The following ADAM19 variants were observed in gnomAD, a reference collection of about 807,000 sequenced individuals.
ADAM19 encodes ADAM metallopeptidase domain 19, also known as disintegrin and metalloproteinase domain-containing protein 19.
ADAM19 carries 65 observed loss-of-function variants against 114.7 expected under a neutral mutation model. That is an observed-to-expected ratio of 0.57 (90% CI 0.46 to 0.70). The LOEUF is 0.70. ADAM19 is among the 30% of genes least tolerant of loss of function. The probability of loss-of-function intolerance (pLI) is 0.00; values close to 1 mark genes in which losing one functional copy is unlikely to be tolerated. For missense variants in ADAM19, 1,063 were observed against 1,204.7 expected (o/e 0.88, Z 1.74); for synonymous variants, 466 against 460.5 (o/e 1.01, Z -0.15).
At chr5:157,528,985 A>G (rs976530617) in intron 5 of ADAM19, among the ~76,000 whole-genome samples, 1 of 152,208 alleles carries the variant, frequency 6.6e-6, no homozygotes, top group East Asian at 1.9e-4. Flanking sequence ...GGAAGAACAC[A>G]CAATGGAGCC....
intron 8 of ADAM19, among the ~76,000 whole-genome samples, chr5:157,511,331 G>A (rs1010148456): frequency 6.6e-6 from 1 of 152,176 alleles, no homozygotes; most frequent in Non-Finnish European, 1.5e-5. Flanking sequence ...ACTAGGCACT[G>A]AGGCTTAGAG....
intron 1 of ADAM19, among the ~76,000 whole-genome samples, 200 bp from the exon 2 acceptor site, chr5:157,571,180 T>C (rs1663542369): frequency 1.3e-5 from 2 of 152,216 alleles, no homozygotes. Context: ...GTCTCTGTAC[T>C]TGTAAAGGTG....
chr5:157,555,051 A>T (rs11744800), intron 3 of ADAM19, among the ~76,000 whole-genome samples: 2 of 152,070 alleles, frequency 1.3e-5, no homozygotes, highest in African/African-American at 4.8e-5. Flanking sequence ...CCAAAGCATA[A>T]TGAGCCAGGA....
In ADAM19 at chr5:157,519,975, C is replaced by T; in HGVS notation, c.464G>A (p.Ser155Asn). Residue 155 changes from serine (S) to asparagine (N), a missense_variant, in exon 6 of 23, where the codon AGC (serine) becomes AAC (asparagine). Ser to Asn is a conservative substitution (Grantham distance 46, BLOSUM62 1). Transcript: ENST00000257527. ...TCTGTAAATAAGGTGTTGGCCCTTG[C>T]TGTCAGGGAGGGGCTCGATGACGTA... ...LSYVIEPLPD[S>N]KGQHLIYRSE... is the part of the protein sequence containing the mutation. 1.2e-6 allele frequency: 2 copies of T among 1,614,172 alleles called. No individual in the cohort carries two copies. The highest frequency in any genetic ancestry group is 2.2e-5 in the South Asian group (2 of 91,082).
intron 5 of ADAM19, among the ~76,000 whole-genome samples, chr5:157,529,182 A>T (rs6884227): frequency 0.58 from 87,826 of 151,976 alleles, 26,795 homozygotes; most frequent in African/African-American, 0.77. Context: ...GAAGTGTCTC[A>T]CACTGAGCCT....
At chr5:157,535,648 C>T (rs1184887271) in intron 4 of ADAM19, among the ~76,000 whole-genome samples, 1 of 152,216 alleles carries the variant, frequency 6.6e-6, no homozygotes, top group Non-Finnish European at 1.5e-5. Context: ...TTCCAATCCT[C>T]TCTTTCTGAA....
chr5:157,477,654 A>G lies in ADAM19; in HGVS notation c.*3295T>C. 2 of 1,289,364 alleles carry G rather than the reference A, an allele frequency of 1.6e-6. No homozygotes were observed. Among genetic ancestry groups the G allele is most frequent in the Non-Finnish European group, 2.0e-6 (2 of 988,590 alleles). 79.9% of individuals were successfully genotyped at this position (1,289,364 alleles called of 1,614,324 possible). On this transcript the variant is annotated 3_prime_UTR_variant, in exon 23 of 23. Transcript: ENST00000257527. ...CCCATGGCTTTCTTGGGTGTCCAGC[A>G]GAGCTGTTATACACGTGGTTAACAC...
intron 3 of ADAM19, among the ~76,000 whole-genome samples, chr5:157,540,080 G>T (rs1756876278): frequency 6.6e-6 from 1 of 152,178 alleles, no homozygotes; most frequent in African/African-American, 2.4e-5. Context: ...CATTTGATAG[G>T]GCTGTGATGA....
At chr5:157,498,401 C>T (rs776394891) in intron 13 of ADAM19, among the ~76,000 whole-genome samples, 3 of 152,202 alleles carry the variant, frequency 2.0e-5, no homozygotes, top group Non-Finnish European at 2.9e-5. Context: ...TAACCGGCAG[C>T]GGGGCCTTGG....
chr5:157,511,952 A>G (rs1314464832), intron 8 of ADAM19, among the ~76,000 whole-genome samples: 1 of 152,158 alleles, frequency 6.6e-6, no homozygotes, highest in African/African-American at 2.4e-5. Context: ...GTTCCATCAC[A>G]TACCCCACAG....
At chr5:157,501,687 C>A (rs190205769) in intron 12 of ADAM19, among the ~76,000 whole-genome samples, 1 of 152,200 alleles carries the variant, frequency 6.6e-6, no homozygotes, top group Non-Finnish European at 1.5e-5. Flanking sequence ...GTGGGGGTGG[C>A]ATCCTTGACT....
chr5:157,506,902 A>G (rs572178194), intron 10 of ADAM19, among the ~76,000 whole-genome samples, 154 bp downstream of exon 10: 2 of 152,336 alleles, frequency 1.3e-5, no homozygotes, highest in Admixed American at 1.3e-4. Flanking sequence ...ATCTCTTAGA[A>G]CTTAATGACT....
At chr5:157,573,990 T>C (rs1428286271) in intron 1 of ADAM19, among the ~76,000 whole-genome samples, 1 of 152,224 alleles carries the variant, frequency 6.6e-6, no homozygotes, top group African/African-American at 2.4e-5. Flanking sequence ...TGAGTCGTGT[T>C]TTTAACTTTT....
intron 2 of ADAM19, chr5:157,568,455 C>A (rs1757730691): frequency 6.6e-6 from 1 of 152,176 alleles, no homozygotes; most frequent in South Asian, 2.1e-4. Context: ...TACTGATGAG[C>A]TTTTCTGATG....
At chr5:157,542,990 T>C (rs1756958192) in intron 3 of ADAM19, among the ~76,000 whole-genome samples, 1 of 152,148 alleles carries the variant, frequency 6.6e-6, no homozygotes, top group African/African-American at 2.4e-5. Context: ...CTTAATAAGA[T>C]ACAACAGAAA....
chr5:157,518,181 G>T (rs932253475), intron 7 of ADAM19, among the ~76,000 whole-genome samples: 3 of 152,102 alleles, frequency 2.0e-5, no homozygotes, highest in Non-Finnish European at 4.4e-5. Flanking sequence ...GACAATTCCG[G>T]GTTCCTCAGA....
intron 13 of ADAM19, among the ~76,000 whole-genome samples, chr5:157,499,044 A>C (rs747901216): frequency 6.6e-6 from 1 of 152,182 alleles, no homozygotes; most frequent in Non-Finnish European, 1.5e-5. Flanking sequence ...GAATGTGGGC[A>C]CCAGAGTCAG....
intron 3 of ADAM19, among the ~76,000 whole-genome samples, chr5:157,554,817 C>T (rs146136898): frequency 6.6e-6 from 1 of 152,310 alleles, no homozygotes; most frequent in East Asian, 1.9e-4. Context: ...TTATCCCCAT[C>T]ACGTAGATGA....
chr5:157,490,178 G>A, intron 19 of ADAM19, 132 bp downstream of exon 19: 1 of 949,818 alleles, frequency 1.1e-6, no homozygotes, highest in Non-Finnish European at 1.6e-6. Context: ...GCAGGGGAGA[G>A]GGCAGCATGT....
Sources: gnomAD v4.1 joint callset for allele counts (sites outside exome capture counted in the v4.1 genomes callset) on GRCh38, gnomAD v4.1.1 for gene constraint, MANE v1.5 for transcripts, NCBI Gene and HGNC (gene_info 2026-07-23, HGNC 2026-07-21) for gene names.